Variants in COL4A2 observed in about 807,000 individuals in gnomAD.
COL4A2 encodes collagen alpha-2(IV) chain.
COL4A2 carries 99 observed loss-of-function variants against 200.2 expected under a neutral mutation model. The ratio of observed to expected loss-of-function variants is 0.49; its 90% CI spans 0.42 to 0.58. The LOEUF (loss-of-function observed/expected upper bound fraction) is 0.58, where lower values mean the gene tolerates loss of function less well. COL4A2 is among the 20% of genes least tolerant of loss of function. COL4A2 has a pLI of 0.00. For missense variants in COL4A2, 1,950 were observed against 2,314.1 expected, an observed-to-expected ratio of 0.84 and a Z score of 3.23; for synonymous variants, 897 against 900.6, an observed-to-expected ratio of 1.00 and a Z score of 0.07.
chr13:110,345,273 C>T (rs1035073008), intron 3 of COL4A2, among the ~76,000 whole-genome samples: 5 of 152,200 alleles, frequency 3.3e-5, no homozygotes, highest in African/African-American at 9.6e-5. Context: ...GGTGTTCATA[C>T]TCAATGCATT....
chr13:110,497,757 G>A (rs1234228185), intron 40 of COL4A2, among the ~76,000 whole-genome samples: 3 of 150,248 alleles, frequency 2.0e-5, no homozygotes, highest in Admixed American at 6.6e-5. Context: ...TGAGGATCTG[G>A]GGTCAGTCCA....
At chr13:110,478,286 G>T in intron 30 of COL4A2, 122 bp downstream of exon 30, 1 of 956,764 alleles carries the variant, frequency 1.0e-6, no homozygotes, top group Non-Finnish European at 1.4e-6. Flanking sequence ...AGGTGCAGGG[G>T]TTCCCAAACC....
At position 110,307,486 on chromosome 13, in the gene COL4A2, G is replaced by A. The variant is rs895274784; in HGVS notation, c.-87G>A. On this transcript the variant is annotated 5_prime_UTR_variant, in exon 1 of 48. Coordinates refer to ENST00000360467, the MANE Select transcript of COL4A2 (RefSeq NM_001846.4). The surrounding 1 kb of genome is among the most constrained non-coding windows in gnomAD (Gnocchi z 5.0). ...GTGCCGCCGGCGGGTGCTTCTGGAA[G>A]GGCCAATGCGTTCGGGCAGCAGCCC... 156 of 226,268 alleles carry A rather than the reference G, an allele frequency of 6.9e-4. No individual in the cohort carries two copies. The highest frequency in any genetic ancestry group is 9.8e-4 in the Non-Finnish European group (115 of 116,876). 14.0% of individuals were successfully genotyped at this position (226,268 alleles called of 1,614,324 possible).
chr13:110,341,848 G>A (rs186543487), intron 3 of COL4A2, among the ~76,000 whole-genome samples: 1 of 152,358 alleles, frequency 6.6e-6, no homozygotes, highest in Non-Finnish European at 1.5e-5. Flanking sequence ...AATAAAAGCG[G>A]ATATGAAAGA....
rs1877417018 is a variant in COL4A2 at position 110,359,260 on chromosome 13, AT to A, written c.180+1710del. Among the ~76,000 whole-genome samples the A allele has an allele frequency of 3.3e-5, 5 of 152,322 alleles. No homozygotes were observed. The South Asian group carries it at 1.0e-3, about 32-fold the overall frequency. ...GGATTTAATATGTTCAATCAAAGTG[AT>A]TGATCTCTGATTCTGTTGCCTTTAA... is the stretch of plus-strand genomic sequence containing the variant. On this transcript the variant is annotated intron_variant, in intron 4 of 47. Transcript: ENST00000360467.
Position 110,436,346 on chromosome 13 carries a change from C to A in COL4A2, c.804C>A (p.Thr268=). The A allele has an allele frequency of 6.2e-7, 1 of 1,613,942 alleles. No individual in the cohort carries two copies. The highest frequency in any genetic ancestry group is 2.2e-5 in the East Asian group (1 of 44,874). ...CCATCATCGCGCCCACAGGAGTCAC[C>A]TTCCACCCAGATCAGTACAAGGTAA... is the stretch of plus-strand genomic sequence containing the variant. ...LHPIIAPTGV[T]FHPDQYKGEK... is the part of the protein sequence containing the mutation. Residue 268 remains threonine, a synonymous_variant, in exon 13 of 48, where the codon ACC becomes ACA. Coordinates refer to ENST00000360467, the MANE Select transcript of COL4A2 (RefSeq NM_001846.4).
chr13:110,412,197 C>T (rs1879869555), intron 4 of COL4A2, among the ~76,000 whole-genome samples: 2 of 152,232 alleles, frequency 1.3e-5, no homozygotes, highest in African/African-American at 4.8e-5. Context: ...GTTCCACCAC[C>T]CTGTAGAAAG....
chr13:110,424,666 T>A, intron 4 of COL4A2, 68 bp from the exon 5 acceptor site: 2 of 1,057,268 alleles, frequency 1.9e-6, no homozygotes, highest in Middle Eastern at 2.6e-4. Flanking sequence ...GTTTTGAAAG[T>A]AACCGTAACT....
chr13:110,325,635 G>A (rs771429976), intron 3 of COL4A2, among the ~76,000 whole-genome samples: 2 of 152,158 alleles, frequency 1.3e-5, no homozygotes, highest in Non-Finnish European at 2.9e-5. Flanking sequence ...TCTAATCCCC[G>A]TGTCGCTTCA....
At chr13:110,507,154 G>T (rs930012611) in intron 46 of COL4A2, among the ~76,000 whole-genome samples, 2 of 152,236 alleles carry the variant, frequency 1.3e-5, no homozygotes, top group African/African-American at 2.4e-5. Context: ...CTTTGAGGGG[G>T]TGACGGGAAG....
intron 22 of COL4A2, 72 bp from the exon 23 acceptor site, chr13:110,462,042 G>A (rs1324969754): frequency 3.2e-6 from 5 of 1,583,868 alleles, no homozygotes; most frequent in Non-Finnish European, 3.4e-6. Context: ...AGATGAAAAA[G>A]CTTGCCAGCC....
At chr13:110,361,929 G>A (rs1367531564) in intron 4 of COL4A2, among the ~76,000 whole-genome samples, 1 of 152,200 alleles carries the variant, frequency 6.6e-6, no homozygotes, top group South Asian at 2.1e-4. Flanking sequence ...ACTTCAGGAG[G>A]GAAATGGCCT....
intron 19 of COL4A2, among the ~76,000 whole-genome samples, chr13:110,449,992 A>G (rs1881477022): frequency 6.6e-6 from 1 of 152,166 alleles, no homozygotes; most frequent in African/African-American, 2.4e-5. Flanking sequence ...GTAACTCCCC[A>G]ACTAGGTTAG....
At chr13:110,420,224 T>A (rs74936919) in intron 4 of COL4A2, among the ~76,000 whole-genome samples, 10,217 of 152,308 alleles carry the variant, frequency 0.067, 498 homozygotes, top group Non-Finnish European at 0.1. Flanking sequence ...TGGTCCCATC[T>A]GAGCCCCTGT....
chr13:110,343,633 C>T (rs181571275), intron 3 of COL4A2, among the ~76,000 whole-genome samples: 8 of 152,334 alleles, frequency 5.3e-5, no homozygotes, highest in Admixed American at 3.9e-4. Context: ...GTCAAGTTTG[C>T]AAAGATAAAG....
At chr13:110,338,801 T>A (rs1409295617) in intron 3 of COL4A2, among the ~76,000 whole-genome samples, 1 of 152,236 alleles carries the variant, frequency 6.6e-6, no homozygotes, top group African/African-American at 2.4e-5. Context: ...CCTCCCAGGT[T>A]CTCTCCCACA....
chr13:110,457,405 C>T lies in COL4A2; in HGVS notation c.1402C>T (p.Pro468Ser). The T allele has an allele frequency of 6.2e-7, 1 of 1,611,702 alleles. No individual in the cohort carries two copies. The highest frequency in any genetic ancestry group is 8.5e-7 in the Non-Finnish European group (1 of 1,177,910). The change falls in exon 21 of 48, where the codon CCT becomes TCT. Residue 468 changes from proline (P) to serine (S), a missense_variant. Coordinates refer to ENST00000360467, the MANE Select transcript of COL4A2 (RefSeq NM_001846.4). ...AGGCTTCCCTGGGCTTCCCGGCTCC[C>T]CTGGAGCCCGCGGACCAAAGGGGTG... is the stretch of plus-strand genomic sequence containing the variant. ...RAGFPGLPGS[P>S]GARGPKGWKG... is the part of the protein sequence containing the mutation.
chr13:110,321,263 A>G (rs1885272957), intron 3 of COL4A2, among the ~76,000 whole-genome samples: 1 of 151,836 alleles, frequency 6.6e-6, no homozygotes, highest in Non-Finnish European at 1.5e-5. Context: ...ACATATATAT[A>G]TACACATAAT....
chr13:110,372,217 A>C (rs1290443078), intron 4 of COL4A2, among the ~76,000 whole-genome samples: 1 of 152,204 alleles, frequency 6.6e-6, no homozygotes, highest in Non-Finnish European at 1.5e-5. Flanking sequence ...GTTCCTTGAG[A>C]GAGGGGGCAG....
Sources: gnomAD v4.1 joint callset for allele counts (sites outside exome capture counted in the v4.1 genomes callset) on GRCh38, gnomAD v4.1.1 for gene constraint, Gnocchi (gnomAD v3.1) non-coding constraint, MANE v1.5 for transcripts, NCBI Gene and HGNC (gene_info 2026-07-23, HGNC 2026-07-21) for gene names.